The following DGCR2 variants were observed in gnomAD, a reference collection of about 807,000 sequenced individuals.
The protein encoded by DGCR2 is integral membrane protein DGCR2/IDD.
Under a neutral mutation model 51.6 loss-of-function variants are expected in DGCR2, and 24 were observed. That is an observed-to-expected ratio of 0.47 (90% CI 0.34 to 0.65). DGCR2 has a LOEUF of 0.65. DGCR2 is among the 30% of genes least tolerant of loss of function. DGCR2 has a pLI of 0.01. For synonymous variants in DGCR2, 340 were observed against 315.4 expected (o/e 1.08, Z -0.82); for missense variants, 765 against 772.1 (o/e 0.99, Z 0.11).
At chr22:19,119,958 CG>C (rs60424998) in intron 1 of DGCR2, among the ~76,000 whole-genome samples, 2,482 of 152,088 alleles carry the variant, frequency 0.016, 86 homozygotes, top group East Asian at 0.062. Flanking sequence ...CTTTTAAGGC[CG>C]GAATCCCCAC....
intron 5 of DGCR2, chr22:19,060,519 G>A (rs1019107179): frequency 1.8e-5 from 3 of 167,112 alleles, no homozygotes; most frequent in Non-Finnish European, 2.6e-5. Context: ...TGAAACACAC[G>A]CTGTTTTCAC....
At chr22:19,106,678 C>G (rs2083264202) in intron 1 of DGCR2, among the ~76,000 whole-genome samples, 1 of 152,100 alleles carries the variant, frequency 6.6e-6, no homozygotes. Flanking sequence ...ATTGAAACCC[C>G]CAACTAGTCC....
chr22:19,094,669 A>G (rs186715267), intron 1 of DGCR2, among the ~76,000 whole-genome samples: 43 of 152,378 alleles, frequency 2.8e-4, no homozygotes, highest in Non-Finnish European at 5.7e-4. Context: ...AAATGAAAGC[A>G]TATGTCCACA....
chr22:19,063,341 T>C (rs1197302466), intron 4 of DGCR2, 63 bp from the exon 5 acceptor site: 1 of 1,515,612 alleles, frequency 6.6e-7, no homozygotes, highest in African/African-American at 1.4e-5. Flanking sequence ...CATCAATGAC[T>C]GTGTGTTTTT....
At position 19,122,187 on chromosome 22, in the gene DGCR2, C is replaced by G; in HGVS notation, c.20G>C (p.Ser7Thr). The G allele has an allele frequency of 6.6e-7, 1 of 1,510,808 alleles. No homozygotes were observed. Among genetic ancestry groups the G allele is most frequent in the South Asian group, 1.2e-5 (1 of 80,556 alleles). The allele number at this position is 1,510,808 out of a possible 1,614,324, so 93.6% of individuals were successfully genotyped here. Residue 7 changes from serine to threonine, a missense_variant, in exon 1 of 10, where the codon AGC becomes ACC. Physicochemically the swap from Ser to Thr is moderately conservative, Grantham distance 58. This residue lies in a region of DGCR2 where 370 missense variants were observed against 325.5 expected (regional missense o/e 1.14). Transcript: ENST00000263196. ...CAGGAAGAGCAGCAGGAAGGCGCCG[C>G]TGTCTGCCTTGGGCACCATTTATCC... Reference protein sequence around the residue: MVPKADSGAFLLLFLLV... With the variant: MVPKADTGAFLLLFLLV...
intron 4 of DGCR2, among the ~76,000 whole-genome samples, chr22:19,064,168 A>G (rs2082721240): frequency 6.6e-6 from 1 of 152,236 alleles, no homozygotes; most frequent in African/African-American, 2.4e-5. Flanking sequence ...GCATGGCAGG[A>G]GCCCAGGGAT....
intron 2 of DGCR2, among the ~76,000 whole-genome samples, chr22:19,069,147 G>T (rs976463014): frequency 6.6e-6 from 1 of 152,228 alleles, no homozygotes; most frequent in Non-Finnish European, 1.5e-5. Context: ...AACAAACTTG[G>T]TCTGCAAGGC....
intron 2 of DGCR2, among the ~76,000 whole-genome samples, chr22:19,076,067 T>C (rs1360511490): frequency 6.6e-6 from 1 of 152,222 alleles, no homozygotes; most frequent in Non-Finnish European, 1.5e-5. Context: ...CAAGCAACTC[T>C]CCTGCCTCAG....
At chr22:19,112,300 A>C (rs1936952) in intron 1 of DGCR2, among the ~76,000 whole-genome samples, 47,475 of 150,544 alleles carry the variant, frequency 0.32, 8,499 homozygotes, top group African/African-American at 0.49. Flanking sequence ...AAACCTAGGA[A>C]AATAATAAAA....
intron 1 of DGCR2, 80 bp downstream of exon 1, chr22:19,122,048 C>T (rs1601327205): frequency 1.8e-6 from 2 of 1,116,290 alleles, no homozygotes; most frequent in East Asian, 7.1e-5. Flanking sequence ...AGGAGGGCGC[C>T]GCGGGTGAAA....
At chr22:19,120,856 T>C (rs1206387831) in intron 1 of DGCR2, among the ~76,000 whole-genome samples, 1 of 152,250 alleles carries the variant, frequency 6.6e-6, no homozygotes, top group African/African-American at 2.4e-5. Flanking sequence ...TCCTGGCTTC[T>C]GTTCTTACCA....
At chr22:19,106,480 AC>A (rs2083262451) in intron 1 of DGCR2, among the ~76,000 whole-genome samples, 1 of 152,142 alleles carries the variant, frequency 6.6e-6, no homozygotes, top group South Asian at 2.1e-4. Flanking sequence ...ACTGGCAGCC[AC>A]CAGGCTACAG....
intron 2 of DGCR2, 62 bp downstream of exon 2, chr22:19,089,306 C>A: frequency 1.3e-6 from 2 of 1,498,630 alleles, no homozygotes; most frequent in Non-Finnish European, 9.0e-7. Flanking sequence ...ACAAGAGGCA[C>A]AGTCACCCAG....
At chr22:19,096,617 C>A (rs1366074544) in intron 1 of DGCR2, among the ~76,000 whole-genome samples, 1 of 82,784 alleles carries the variant, frequency 1.2e-5, no homozygotes, top group African/African-American at 5.0e-5. Context: ...TTTTTAAAGA[C>A]TAATGCAGGA....
intron 1 of DGCR2, among the ~76,000 whole-genome samples, chr22:19,101,171 A>C (rs114491955): frequency 0.011 from 1,687 of 152,284 alleles, 43 homozygotes; most frequent in African/African-American, 0.038. Flanking sequence ...CAAAGGTTTT[A>C]ACCTTTTAAT....
intron 5 of DGCR2, among the ~76,000 whole-genome samples, chr22:19,062,775 G>GCTGTCTCTGTCTCTCTCT (rs2082686000): frequency 9.2e-6 from 1 of 108,860 alleles, no homozygotes; most frequent in Non-Finnish European, 1.9e-5. Context: ...ACACATGCAT[G>GCTGTCTCTGTCTCTCTCT]CTCACTCTCT....
intron 1 of DGCR2, among the ~76,000 whole-genome samples, chr22:19,091,557 A>G (rs1319284243): frequency 6.6e-6 from 1 of 152,238 alleles, no homozygotes; most frequent in African/African-American, 2.4e-5. Context: ...AACTGCTAAT[A>G]GACGAATCCA....
chr22:19,046,694 A>C, intron 7 of DGCR2: 1 of 407,074 alleles, frequency 2.5e-6, no homozygotes, highest in Non-Finnish European at 5.1e-6. Flanking sequence ...GCCCTAGGAG[A>C]GTCAGGAGCC....
At chr22:19,060,353 C>T (rs926669573) in intron 5 of DGCR2, among the ~76,000 whole-genome samples, 3 of 152,134 alleles carry the variant, frequency 2.0e-5, no homozygotes, top group Admixed American at 2.0e-4. Context: ...AAGGACTGGG[C>T]ACAAGATTTT....
Sources: gnomAD v4.1 joint callset for allele counts (sites outside exome capture counted in the v4.1 genomes callset) on GRCh38, gnomAD v4.1.1 for gene constraint, gnomAD v4.1.1 regional missense constraint, MANE v1.5 for transcripts, NCBI Gene and HGNC (gene_info 2026-07-23, HGNC 2026-07-21) for gene names.